Variants in EML4 observed in about 807,000 individuals in gnomAD.
The protein encoded by EML4 is echinoderm microtubule-associated protein-like 4.
In EML4, 72 loss-of-function variants were observed where a neutral mutation model predicts 129.0. The observed-to-expected ratio is 0.56, with a 90% confidence interval of 0.46 to 0.68. The LOEUF is 0.68. Ranked by LOEUF, EML4 falls within the 30% of genes least tolerant of loss-of-function variation. The pLI, the probability that EML4 is intolerant of heterozygous loss-of-function variation, is 0.00. For synonymous variants in EML4, 532 were observed against 405.0 expected (o/e 1.31, Z -3.77); for missense variants, 1,363 against 1,190.6 (o/e 1.14, Z -2.13).
At chr2:42,275,146 A>C (rs1179110568) in intron 6 of EML4, among the ~76,000 whole-genome samples, 1 of 152,234 alleles carries the variant, frequency 6.6e-6, no homozygotes, top group African/African-American at 2.4e-5. Flanking sequence ...TTAAAAAGTC[A>C]CAAGTAATAT....
chr2:42,171,276 G>C (rs1670262575), intron 1 of EML4, among the ~76,000 whole-genome samples: 1 of 152,162 alleles, frequency 6.6e-6, no homozygotes, highest in South Asian at 2.1e-4. Flanking sequence ...TCTTCTTAGG[G>C]GATGTTGTGG....
intron 1 of EML4, among the ~76,000 whole-genome samples, chr2:42,212,171 T>A (rs943874104): frequency 6.6e-6 from 1 of 152,172 alleles, no homozygotes; most frequent in Non-Finnish European, 1.5e-5. Flanking sequence ...TATGTAAATA[T>A]ATGTAATGGC....
intron 5 of EML4, among the ~76,000 whole-genome samples, chr2:42,264,108 T>G (rs1417431571): frequency 1.8e-4 from 25 of 139,226 alleles, no homozygotes; most frequent in African/African-American, 5.5e-4. Flanking sequence ...TACGTGTTTT[T>G]TTTTTTTTTT....
rs775223163 is a variant in EML4 at position 42,309,737 on chromosome 2, T to G, written c.1967+5186T>G. On this transcript the variant is annotated intron_variant, in intron 17 of 22. Coordinates refer to ENST00000318522, the MANE Select transcript of EML4 (RefSeq NM_019063.5). ...TGAAATCCTGTGCCCATCTTTGAAT[T>G]GGGTTGTCTGTTCTTGTAAGAGTTT... Among the ~76,000 whole-genome samples, 91 of 151,216 alleles carry G rather than the reference T, an allele frequency of 6.0e-4. 1 individual carries two copies. The highest frequency in any genetic ancestry group is 2.6e-4 in the Admixed American group (4 of 15,226).
intron 1 of EML4, among the ~76,000 whole-genome samples, chr2:42,244,567 T>C (rs144517995): frequency 6.6e-6 from 1 of 152,326 alleles, no homozygotes; most frequent in East Asian, 1.9e-4. Flanking sequence ...ATATTAAGTA[T>C]TTACTTCATA....
At chr2:42,275,458 CTGAG>C (rs1219319552) in intron 6 of EML4, among the ~76,000 whole-genome samples, 1 of 152,186 alleles carries the variant, frequency 6.6e-6, no homozygotes, top group Non-Finnish European at 1.5e-5. Context: ...TTTAACCTCT[CTGAG>C]TGTTGGTTTC....
intron 11 of EML4, among the ~76,000 whole-genome samples, chr2:42,291,334 A>G (rs1053912619): frequency 6.6e-6 from 1 of 152,150 alleles, no homozygotes; most frequent in Non-Finnish European, 1.5e-5. Flanking sequence ...TAAGGCATAT[A>G]AAGTACTAAC....
At position 42,326,789 on chromosome 2, in the gene EML4, G is replaced by T. The variant is rs139858265; in HGVS notation, c.2341+537G>T. ...CCCAGTTACGTGGGAGGCTGAGGCAGGAGAACTGCTTGAACCTGGGAGGCA... is the reference window on the plus strand; with the variant it reads ...CCCAGTTACGTGGGAGGCTGAGGCATGAGAACTGCTTGAACCTGGGAGGCA... On this transcript the variant is annotated intron_variant, in intron 21 of 22. Coordinates refer to ENST00000318522, the MANE Select transcript of EML4 (RefSeq NM_019063.5). 2.4e-3 allele frequency among the ~76,000 whole-genome samples: 371 copies of T among 152,292 alleles called. 1 individual carries two copies. The highest frequency in any genetic ancestry group is 8.5e-3 in the African/African-American group (355 of 41,548).
intron 6 of EML4, 130 bp from the exon 7 acceptor site, chr2:42,280,720 G>T: frequency 1.5e-6 from 1 of 681,152 alleles, no homozygotes; most frequent in Non-Finnish European, 2.4e-6. Context: ...AAAAACAATT[G>T]TATATAATGA....
At chr2:42,260,157 A>C (rs1665636161) in intron 3 of EML4, among the ~76,000 whole-genome samples, 1 of 149,156 alleles carries the variant, frequency 6.7e-6, no homozygotes, top group Non-Finnish European at 1.5e-5. Flanking sequence ...GAGCCACCAC[A>C]CCCGGGCTCT....
chr2:42,198,425 C>G (rs1672022548), intron 1 of EML4, among the ~76,000 whole-genome samples: 1 of 152,046 alleles, frequency 6.6e-6, no homozygotes, highest in Admixed American at 6.6e-5. Flanking sequence ...TTGGGAGGGG[C>G]TGGGTGTGGT....
chr2:42,271,044 G>A (rs1666333430), intron 6 of EML4, among the ~76,000 whole-genome samples: 1 of 152,082 alleles, frequency 6.6e-6, no homozygotes, highest in Non-Finnish European at 1.5e-5. Flanking sequence ...ATAGGAATGT[G>A]CCACTGTGCC....
At chr2:42,240,898 T>C (rs1483360333) in intron 1 of EML4, among the ~76,000 whole-genome samples, 1 of 152,140 alleles carries the variant, frequency 6.6e-6, no homozygotes, top group Non-Finnish European at 1.5e-5. Flanking sequence ...CCCAGCACTT[T>C]GGGAGGCCAA....
chr2:42,173,734 C>T (rs1331245889), intron 1 of EML4, among the ~76,000 whole-genome samples: 1 of 152,050 alleles, frequency 6.6e-6, no homozygotes, highest in East Asian at 1.9e-4. Flanking sequence ...ACCCCAGCTA[C>T]TTGGGAGGCT....
intron 13 of EML4, among the ~76,000 whole-genome samples, chr2:42,295,870 T>C (rs937690109): frequency 2.6e-5 from 4 of 152,170 alleles, no homozygotes; most frequent in African/African-American, 9.7e-5. Context: ...TGTGATAAAA[T>C]GGAAGAGTGG....
intron 1 of EML4, among the ~76,000 whole-genome samples, chr2:42,235,797 A>G (rs2104234353): frequency 6.6e-6 from 1 of 152,228 alleles, no homozygotes; most frequent in African/African-American, 2.4e-5. Flanking sequence ...AAGACCATCT[A>G]GTATAGTTGT....
At chr2:42,319,299 C>T (rs1401389681) in intron 19 of EML4, among the ~76,000 whole-genome samples, 1 of 152,100 alleles carries the variant, frequency 6.6e-6, no homozygotes, top group East Asian at 1.9e-4. Context: ...GAAGAGAGAG[C>T]AATGTGTGAC....
chr2:42,266,133 T>C (rs1666050730), intron 6 of EML4, among the ~76,000 whole-genome samples: 1 of 152,222 alleles, frequency 6.6e-6, no homozygotes, highest in Admixed American at 6.5e-5. Context: ...TTTACTTCTT[T>C]CGTTCCAAAA....
intron 1 of EML4, among the ~76,000 whole-genome samples, chr2:42,235,920 G>T (rs1344686684): frequency 6.6e-6 from 1 of 152,108 alleles, no homozygotes; most frequent in African/African-American, 2.4e-5. Context: ...GAATAAATCA[G>T]TTATGTAGAC....
Sources: allele counts gnomAD v4.1 joint callset (sites outside exome capture counted in the v4.1 genomes callset), GRCh38; gene constraint gnomAD v4.1.1; transcripts MANE v1.5; gene names NCBI Gene and HGNC (gene_info 2026-07-23, HGNC 2026-07-21).